The following MIA3 variants were observed in gnomAD, a reference collection of about 807,000 sequenced individuals.
MIA3 encodes MIA SH3 domain ER export factor 3, also known as transport and Golgi organization protein 1 homolog.
In MIA3, 90 loss-of-function variants were observed where a neutral mutation model predicts 192.4. The observed-to-expected ratio is 0.47, with a 90% CI of 0.39 to 0.56. The LOEUF (loss-of-function observed/expected upper bound fraction) is 0.56, where lower values mean the gene tolerates loss of function less well. Ranked by LOEUF, MIA3 falls within the 20% of genes least tolerant of loss-of-function variation. The pLI, the probability that MIA3 is intolerant of heterozygous loss-of-function variation, is 0.00. For missense variants in MIA3, 2,123 were observed against 2,269.4 expected, an observed-to-expected ratio of 0.94 and a Z score of 1.31; for synonymous variants, 740 against 792.8, an observed-to-expected ratio of 0.93 and a Z score of 1.12.
intron 6 of MIA3, among the ~76,000 whole-genome samples, chr1:222,642,081 G>T (rs1558184429): frequency 6.6e-6 from 1 of 152,078 alleles, no homozygotes. Flanking sequence ...AAAACTTTAG[G>T]AAATGCAAAC....
rs199626793 is a variant in MIA3 at position 222,628,419 on chromosome 1, C to G, written c.1199C>G (p.Thr400Arg). ...ACAGGAGGTGAAGAAACAAGAGATA[C>G]GATGGATTTAGAGAGCTCTAGTTCA... ...IVTGGEETRD[T>R]MDLESSSSEE... is the part of the protein sequence containing the mutation. The change falls in exon 4 of 28, where the codon ACG becomes AGG. Residue 400 changes from threonine to arginine, a missense_variant. This residue lies in a region of MIA3 where 1,357 missense variants were observed against 1,396.1 expected (regional missense o/e 0.97). Transcript: ENST00000344922. 1.9e-6 allele frequency: 3 copies of G among 1,613,802 alleles called. No homozygotes were observed. The highest frequency in any genetic ancestry group is 1.6e-4 in the Middle Eastern group (1 of 6,062).
rs1246901919 is a variant in MIA3, at chr1:222,654,428, C to T, written c.4417C>T (p.Leu1473Phe). The change falls in exon 17 of 28, where the codon CTT (leucine) becomes TTT (phenylalanine). Residue 1473 changes from leucine (L) to phenylalanine (F), a missense_variant. Around this residue, in one of 3 missense-constraint regions of MIA3, gnomAD observed 762 missense variants for 856.4 expected, o/e 0.89. Transcript: ENST00000344922. ...ATCGGTAGTTGAAGAGGATCTAAAG[C>T]TTTTACAGCTTAAGCTAAGAGCCTC... ...AISVVEEDLK[L>F]LQLKLRASVS... 1.9e-6 allele frequency: 3 copies of T among 1,613,818 alleles called. No individual in the cohort carries two copies. The highest frequency in any genetic ancestry group is 2.2e-5 in the East Asian group (1 of 44,880).
At chr1:222,621,636 A>G (rs963020761) in intron 2 of MIA3, among the ~76,000 whole-genome samples, 7 of 152,202 alleles carry the variant, frequency 4.6e-5, no homozygotes, top group Non-Finnish European at 8.8e-5. Flanking sequence ...CCTGTAAACT[A>G]TATGTGAGAG....
At chr1:222,644,559 C>T in intron 6 of MIA3, 2 of 1,550,608 alleles carry the variant, frequency 1.3e-6, no homozygotes, top group Non-Finnish European at 1.7e-6. Flanking sequence ...CTGTGCTCTA[C>T]GCAGCCTTCA....
rs1356431000 is a variant in MIA3, at chr1:222,667,473, GTAAAT to G, written c.*1860_*1864del. On this transcript the variant is annotated 3_prime_UTR_variant, in exon 28 of 28. Coordinates refer to ENST00000344922, the MANE Select transcript of MIA3 (RefSeq NM_198551.4). ...CCATCTAGGAAGGTAAGTAGGAAAGGTAAATTAAATCTATTTTTAAAATTCAAAAT... is the reference window on the plus strand; with the variant it reads ...CCATCTAGGAAGGTAAGTAGGAAAGGTAAATCTATTTTTAAAATTCAAAAT... The G allele has an allele frequency of 1.3e-5, 2 of 152,164 alleles. No homozygotes were observed. The highest frequency in any genetic ancestry group is 2.4e-5 in the African/African-American group (1 of 41,434). The allele number at this position is 152,164 out of a possible 1,614,324, so 9.4% of individuals were successfully genotyped here. A position where few individuals can be genotyped will look rare whatever the true frequency, so the allele number is the denominator to read the frequency against.
Position 222,628,668 on chromosome 1 carries a change from CAG to C in MIA3, c.1450_1451del (p.Glu484IlefsTer4). 6.2e-7 allele frequency: 1 copy of C among 1,613,992 alleles called. No homozygotes were observed. Among genetic ancestry groups the C allele is most frequent in the Non-Finnish European group, 8.5e-7 (1 of 1,179,986 alleles). On this transcript the variant is annotated frameshift_variant, in exon 4 of 28. Transcript: ENST00000344922. LOFTEE classifies it high-confidence loss of function. ...AAGAGGGGCCTGGTACAAGATAAGACAGAATTAGAGGATGAAAATCAAGAAGG... is the reference window on the plus strand; with the variant it reads ...AAGAGGGGCCTGGTACAAGATAAGACAATTAGAGGATGAAAATCAAGAAGG...
At chr1:222,630,671 C>A (rs1448184968) in intron 4 of MIA3, among the ~76,000 whole-genome samples, 2 of 152,126 alleles carry the variant, frequency 1.3e-5, no homozygotes, top group Non-Finnish European at 2.9e-5. Context: ...AAGTAATATA[C>A]AAAATACAAA....
intron 6 of MIA3, among the ~76,000 whole-genome samples, chr1:222,636,674 G>A (rs775260272): frequency 5.9e-5 from 9 of 151,754 alleles, no homozygotes; most frequent in African/African-American, 2.2e-4. Context: ...CACCACACCC[G>A]GCTAATTTTT....
chr1:222,621,008 A>G, intron 1 of MIA3, 151 bp from the exon 2 acceptor site: 1 of 592,358 alleles, frequency 1.7e-6, no homozygotes. Context: ...GATTTGAGAT[A>G]CTTTGAGCAT....
chr1:222,643,738 C>T (rs1662970127), intron 6 of MIA3, among the ~76,000 whole-genome samples: 1 of 152,016 alleles, frequency 6.6e-6, no homozygotes. Flanking sequence ...CGAGTCCAGC[C>T]TGGGCAACAT....
At chr1:222,650,402 T>C (rs754024285) in intron 9 of MIA3, 22 bp downstream of exon 9, 44 of 1,319,352 alleles carry the variant, frequency 3.3e-5, no homozygotes, top group Non-Finnish European at 3.9e-5. Context: ...CTTTGTTTTT[T>C]TTTTTTTTCA....
Position 222,665,143 on chromosome 1 carries a change from G to A in MIA3, c.5414-166G>A, listed in dbSNP as rs374783722. The stretch of plus-strand genomic sequence containing the variant: ...GAGTCCGGGAGATTGAGGCTGCAGT[G>A]AGCCATGATCACTCATTACACTCCA... On this transcript the variant is annotated intron_variant, in intron 27 of 27. Transcript: ENST00000344922. 6.0e-3 allele frequency: 3,525 copies of A among 585,008 alleles called. 23 individuals are homozygous for A. Among genetic ancestry groups the A allele is most frequent in the South Asian group, 0.013 (618 of 48,878 alleles). The allele number at this position is 585,008 out of a possible 1,614,324, so 36.2% of individuals were successfully genotyped here.
Position 222,629,068 on chromosome 1 carries a change from G to A in MIA3, c.1848G>A (p.Glu616=). 6.2e-7 allele frequency: 1 copy of A among 1,614,090 alleles called. No homozygotes were observed. The highest frequency in any genetic ancestry group is 2.2e-5 in the East Asian group (1 of 44,890). The stretch of plus-strand genomic sequence containing the variant: ...CGCTTTCAGTGGAGCATCAACGTGA[G>A]GAATTGAAAGAGGAATTAGTTCTTA... ...LHTLSVEHQR[E]ELKEELVLKT... Residue 616 remains glutamate, a synonymous_variant, in exon 4 of 28, where the codon GAG becomes GAA. Coordinates refer to ENST00000344922, the MANE Select transcript of MIA3 (RefSeq NM_198551.4).
chr1:222,650,273 TA>T lies in MIA3; in HGVS notation c.3632-18del, dbSNP rs1477036249. 6 of 1,430,486 alleles carry T rather than the reference TA, an allele frequency of 4.2e-6. No individual in the cohort carries two copies. The highest frequency in any genetic ancestry group is 1.8e-4 in the Middle Eastern group (1 of 5,712). The allele number at this position is 1,430,486 out of a possible 1,614,324, so 88.6% of individuals were successfully genotyped here. On this transcript the variant is annotated intron_variant, in intron 8 of 27. Transcript: ENST00000344922. ...CATTTAGTGATCATAATAACCTTAT[TA>T]TTTTTTTCTTTTTTCAGTCACGGAA...
rs555721364 is a variant in MIA3, at chr1:222,653,617, C to G, written c.4321+278C>G. Among the ~76,000 whole-genome samples, 35 of 152,308 alleles carry G rather than the reference C, an allele frequency of 2.3e-4. No homozygotes were observed. The South Asian group carries it at 4.4e-3, about 19-fold the overall frequency. On this transcript the variant is annotated intron_variant, in intron 15 of 27. Coordinates refer to ENST00000344922, the MANE Select transcript of MIA3 (RefSeq NM_198551.4). ...TACACCTCTAAGTATTGGACACATACAGTAGTAGAAACTTGTTTTTCAATT... is the reference window on the plus strand; with the variant it reads ...TACACCTCTAAGTATTGGACACATAGAGTAGTAGAAACTTGTTTTTCAATT...
intron 7 of MIA3, 43 bp downstream of exon 7, chr1:222,645,728 G>A: frequency 6.4e-7 from 1 of 1,560,138 alleles, no homozygotes; most frequent in Non-Finnish European, 8.8e-7. Context: ...ATTCAAGTAT[G>A]GTTTTATAAT....
At chr1:222,664,917 C>G in intron 27 of MIA3, 1 of 467,934 alleles carries the variant, frequency 2.1e-6, no homozygotes. Context: ...TGGCTCACGC[C>G]TGTAATCCCA....
chr1:222,659,356 TTAGGG>T, intron 19 of MIA3, 92 bp from the exon 20 acceptor site: 2 of 1,042,594 alleles, frequency 1.9e-6, no homozygotes, highest in South Asian at 2.8e-5. Context: ...ATAAGCTCTA[TTAGGG>T]TACAGTTGTT....
intron 12 of MIA3, 38 bp downstream of exon 12, chr1:222,652,086 A>G (rs1198848080): frequency 6.6e-6 from 9 of 1,353,978 alleles, no homozygotes; most frequent in East Asian, 2.3e-5. Flanking sequence ...TATTAATACT[A>G]TATCATAGTT....
Sources: allele counts gnomAD v4.1 joint callset (sites outside exome capture counted in the v4.1 genomes callset), GRCh38; gene constraint gnomAD v4.1.1; regional missense constraint gnomAD v4.1.1; transcripts MANE v1.5; gene names NCBI Gene and HGNC (gene_info 2026-07-23, HGNC 2026-07-21).